SLC25A48: variants seen among roughly 807,000 people sequenced by gnomAD.
SLC25A48 encodes the protein solute carrier family 25 member 48, also known as CTC-321K16.1.
SLC25A48 carries 29 observed loss-of-function variants against 32.2 expected under a neutral mutation model. The observed-to-expected ratio is 0.90, with a 90% CI of 0.67 to 1.23. The LOEUF is 1.23. Among genes scored for constraint, SLC25A48 ranks in the 50% most tolerant of loss-of-function variants. SLC25A48 has a pLI of 0.00. For synonymous variants in SLC25A48, 164 were observed against 172.3 expected, an observed-to-expected ratio of 0.95 and a Z score of 0.38; for missense variants, 399 against 422.7, an observed-to-expected ratio of 0.94 and a Z score of 0.49.
intron 3 of SLC25A48, among the ~76,000 whole-genome samples, chr5:135,705,995 T>C (rs1451230116): frequency 6.6e-6 from 1 of 152,234 alleles, no homozygotes; most frequent in Non-Finnish European, 1.5e-5. Flanking sequence ...CTCTCACCTG[T>C]AACTGCTTTC....
chr5:135,880,245 C>A, intron 7 of SLC25A48, 148 bp downstream of exon 7: 1 of 1,185,070 alleles, frequency 8.4e-7, no homozygotes, highest in Non-Finnish European at 1.1e-6. Context: ...CCACCCTTTT[C>A]GTCACCAAAC....
At chr5:135,664,057 C>G (rs539476518) in intron 3 of SLC25A48, among the ~76,000 whole-genome samples, 47 of 152,344 alleles carry the variant, frequency 3.1e-4, no homozygotes, top group African/African-American at 1.1e-3. Context: ...TGGGTCCTCC[C>G]TCTCTGTTGC....
chr5:135,610,167 G>T (rs563534411), intron 1 of SLC25A48, among the ~76,000 whole-genome samples: 16 of 152,226 alleles, frequency 1.1e-4, no homozygotes, highest in African/African-American at 3.4e-4. Context: ...GGAAAGGGGG[G>T]CACGGTGACC....
At chr5:135,616,989 A>G (rs1415662947) in intron 1 of SLC25A48, among the ~76,000 whole-genome samples, 1 of 151,062 alleles carries the variant, frequency 6.6e-6, no homozygotes, top group African/African-American at 2.5e-5. Context: ...GTTAGGAAGA[A>G]TTTCCTCTTT....
intron 2 of SLC25A48, among the ~76,000 whole-genome samples, chr5:135,843,976 T>C (rs1329513862): frequency 2.0e-5 from 3 of 152,164 alleles, no homozygotes; most frequent in Non-Finnish European, 4.4e-5. Flanking sequence ...GTGGACTTAC[T>C]AGCATATCAC....
At chr5:135,658,411 A>G (rs1160452726) in intron 3 of SLC25A48, among the ~76,000 whole-genome samples, 2 of 152,188 alleles carry the variant, frequency 1.3e-5, no homozygotes, top group African/African-American at 2.4e-5. Flanking sequence ...GGCCTTGGGC[A>G]TCTCCATCCC....
chr5:135,769,801 A>G (rs1756354294), intron 3 of SLC25A48, among the ~76,000 whole-genome samples: 2 of 151,396 alleles, frequency 1.3e-5, no homozygotes, highest in South Asian at 4.2e-4. Context: ...AGAGGATGAT[A>G]TTACTCCCAA....
At chr5:135,680,515 A>T (rs1580779926) in intron 3 of SLC25A48, among the ~76,000 whole-genome samples, 4 of 152,374 alleles carry the variant, frequency 2.6e-5, no homozygotes, top group Admixed American at 2.6e-4. Context: ...TGGGTAATTT[A>T]TAAAGAAAAA....
At chr5:135,585,123 G>A (rs1036983653) in intron 1 of SLC25A48, among the ~76,000 whole-genome samples, 4 of 152,182 alleles carry the variant, frequency 2.6e-5, no homozygotes, top group Non-Finnish European at 5.9e-5. Flanking sequence ...GAGTCCCATG[G>A]TGAGGGTCTA....
At chr5:135,839,472 T>C (rs1580956327) in intron 1 of SLC25A48, among the ~76,000 whole-genome samples, 2 of 152,240 alleles carry the variant, frequency 1.3e-5, no homozygotes, top group Admixed American at 1.3e-4. Context: ...CCATTGTTTC[T>C]AGGAAGTAAC....
chr5:135,865,267 C>A, intron 4 of SLC25A48, among the ~76,000 whole-genome samples: 1 of 152,150 alleles, frequency 6.6e-6, no homozygotes, highest in East Asian at 1.9e-4. Context: ...GGGCCTCTCA[C>A]GTCATGAGGA....
chr5:135,782,729 A>G (rs7380534), intron 3 of SLC25A48, among the ~76,000 whole-genome samples: 59,656 of 116,912 alleles, frequency 0.51, 22,900 homozygotes, highest in Middle Eastern at 0.69. Context: ...GTACACTCCC[A>G]CTATGATATT....
At chr5:135,850,380 A>G (rs369714469) in intron 2 of SLC25A48, 45 bp from the exon 3 acceptor site, 24 of 1,591,618 alleles carry the variant, frequency 1.5e-5, no homozygotes, top group Non-Finnish European at 2.1e-5. Context: ...CAGTGGGGCT[A>G]TGAATAACCT....
chr5:135,663,378 A>G (rs1160929169), intron 3 of SLC25A48, among the ~76,000 whole-genome samples: 1 of 152,148 alleles, frequency 6.6e-6, no homozygotes, highest in African/African-American at 2.4e-5. Flanking sequence ...GATGTTTGGT[A>G]GCATCTTGAC....
chr5:135,883,623 A>G (rs1581073801), intron 7 of SLC25A48, among the ~76,000 whole-genome samples: 2 of 152,178 alleles, frequency 1.3e-5, no homozygotes, highest in Middle Eastern at 6.8e-3. Flanking sequence ...CTTTTTTCCC[A>G]GATGCCTAAG....
At chr5:135,660,310 C>T (rs748257342) in intron 3 of SLC25A48, among the ~76,000 whole-genome samples, 5 of 152,160 alleles carry the variant, frequency 3.3e-5, no homozygotes, top group Admixed American at 2.0e-4. Flanking sequence ...GCAGTGAGTT[C>T]GATCACCACC....
intron 3 of SLC25A48, among the ~76,000 whole-genome samples, chr5:135,712,633 AC>A (rs1468971514): frequency 1.3e-5 from 2 of 152,088 alleles, no homozygotes; most frequent in African/African-American, 4.8e-5. Context: ...CTCAACCCAA[AC>A]AGTTTCAACT....
rs1751632703 is a variant in SLC25A48 at position 135,595,659 on chromosome 5, C to T, written c.-849+16062C>T. On this transcript the variant is annotated intron_variant, in intron 1 of 10. Coordinates refer to the SLC25A48 transcript ENST00000646290. ...AGATGGGCTTGCGCATACATGCTAGCTCTGTTTCTTAGATGTGTGACTGCT... is the reference window on the plus strand; with the variant it reads ...AGATGGGCTTGCGCATACATGCTAGTTCTGTTTCTTAGATGTGTGACTGCT... Among the ~76,000 whole-genome samples, 3 of 152,154 alleles carry T rather than the reference C, an allele frequency of 2.0e-5. No individual in the cohort carries two copies. The South Asian group carries it at 6.2e-4, about 32-fold the overall frequency.
At chr5:135,786,909 G>A (rs1756862495) in intron 3 of SLC25A48, among the ~76,000 whole-genome samples, 1 of 151,808 alleles carries the variant, frequency 6.6e-6, no homozygotes, top group Non-Finnish European at 1.5e-5. Flanking sequence ...TACACCATGT[G>A]TGTACATCCT....
Sources: allele counts gnomAD v4.1 joint callset (sites outside exome capture counted in the v4.1 genomes callset), GRCh38; gene constraint gnomAD v4.1.1; transcripts MANE v1.5; gene names NCBI Gene and HGNC (gene_info 2026-07-23, HGNC 2026-07-21).